APPBP2: variants seen among roughly 807,000 people sequenced by gnomAD.
APPBP2 encodes the protein amyloid protein-binding protein 2.
A neutral mutation model predicts 76.0 loss-of-function variants in APPBP2; 15 were observed. The ratio of observed to expected loss-of-function variants is 0.20; its 90% confidence interval spans 0.13 to 0.30. The LOEUF is 0.30. Among genes scored for constraint, APPBP2 ranks in the 10% least tolerant of loss-of-function variants. The pLI, the probability that APPBP2 is intolerant of heterozygous loss-of-function variation, is 1.00. For missense variants in APPBP2, 401 were observed against 687.2 expected, an observed-to-expected ratio of 0.58 and a Z score of 4.66; for synonymous variants, 222 against 242.2, an observed-to-expected ratio of 0.92 and a Z score of 0.77.
At chr17:60,491,785 G>A (rs1348329696) in intron 3 of APPBP2, among the ~76,000 whole-genome samples, 1 of 152,088 alleles carries the variant, frequency 6.6e-6, no homozygotes, top group Non-Finnish European at 1.5e-5. Context: ...ATAAAAGTTT[G>A]GAAAATTTGC....
chr17:60,506,469 T>C (rs1567938913), intron 1 of APPBP2, among the ~76,000 whole-genome samples: 1 of 152,198 alleles, frequency 6.6e-6, no homozygotes, highest in Non-Finnish European at 1.5e-5. Flanking sequence ...CTCATCCAAA[T>C]CCTCTCAACT....
intron 1 of APPBP2, among the ~76,000 whole-genome samples, chr17:60,507,962 C>G (rs928533668): frequency 3.3e-5 from 5 of 150,732 alleles, no homozygotes; most frequent in African/African-American, 4.9e-5. Context: ...CAAGTTGTTT[C>G]TTTTTTTTCC....
intron 3 of APPBP2, among the ~76,000 whole-genome samples, chr17:60,486,585 G>A (rs2090680136): frequency 6.6e-6 from 1 of 152,106 alleles, no homozygotes; most frequent in Non-Finnish European, 1.5e-5. Flanking sequence ...GCCTACGTGT[G>A]TCTCTGCATG....
At chr17:60,504,813 A>C (rs928682745) in intron 1 of APPBP2, among the ~76,000 whole-genome samples, 1 of 152,188 alleles carries the variant, frequency 6.6e-6, no homozygotes, top group African/African-American at 2.4e-5. Context: ...AAAACAACCA[A>C]CCAACCAAAA....
At chr17:60,493,920 G>A (rs1221575722) in intron 3 of APPBP2, among the ~76,000 whole-genome samples, 1 of 152,298 alleles carries the variant, frequency 6.6e-6, no homozygotes, top group East Asian at 1.9e-4. Flanking sequence ...CTACAGGCAT[G>A]AGTCACCATG....
chr17:60,462,220 T>C, intron 6 of APPBP2, 159 bp from the exon 7 acceptor site: 2 of 630,720 alleles, frequency 3.2e-6, no homozygotes, highest in Non-Finnish European at 5.6e-6. Context: ...TCCAAGTACT[T>C]AAAAATTCTA....
chr17:60,507,717 A>G lies in APPBP2; in HGVS notation c.139-7230T>C, dbSNP rs151249487. 2.0e-3 allele frequency among the ~76,000 whole-genome samples: 305 copies of G among 152,312 alleles called. 1 individual carries two copies. Among genetic ancestry groups the G allele is most frequent in the African/African-American group, 6.8e-3 (284 of 41,566 alleles). ...AATTATCGAGATTAACCCGGTTGGT[A>G]AATTTGATACTTTGGGAAAAACCTC... On this transcript the variant is annotated intron_variant, in intron 1 of 12. Coordinates refer to ENST00000083182, the MANE Select transcript of APPBP2 (RefSeq NM_006380.5).
At chr17:60,497,763 T>C (rs1182500126) in intron 2 of APPBP2, among the ~76,000 whole-genome samples, 6 of 152,268 alleles carry the variant, frequency 3.9e-5, no homozygotes, top group African/African-American at 1.4e-4. Context: ...CAGCAGTATT[T>C]TGTGAAACTA....
At position 60,477,115 on chromosome 17, in the gene APPBP2, A is replaced by C. The variant is rs372310065; in HGVS notation, c.503+2033T>G. On this transcript the variant is annotated intron_variant, in intron 4 of 12. Coordinates refer to ENST00000083182, the MANE Select transcript of APPBP2 (RefSeq NM_006380.5). ...AGAGTCAGCTGGCATGCACTTTTTG[A>C]CCTCCCCTCTTCTTACTGCCTATTA... is the stretch of plus-strand genomic sequence containing the variant. 6.6e-5 allele frequency among the ~76,000 whole-genome samples: 10 copies of C among 152,070 alleles called. No homozygotes were observed. The East Asian group carries it at 1.5e-3, about 23-fold the overall frequency.
At position 60,525,997 on chromosome 17, in the gene APPBP2, C is replaced by T; in HGVS notation, c.-66G>A. On this transcript the variant is annotated 5_prime_UTR_variant, in exon 1 of 13. Coordinates refer to ENST00000083182, the MANE Select transcript of APPBP2 (RefSeq NM_006380.5). The stretch of plus-strand genomic sequence containing the variant: ...CGAAGGCCCCCACCTCCCTCCGTAG[C>T]GAACCCCTCTGCGGCCCCGGAGGAT... The T allele has an allele frequency of 2.0e-6, 3 of 1,473,962 alleles. No individual in the cohort carries two copies. The highest frequency in any genetic ancestry group is 2.8e-6 in the Non-Finnish European group (3 of 1,088,364). 91.3% of individuals were successfully genotyped at this position (1,473,962 alleles called of 1,614,324 possible).
intron 8 of APPBP2, 158 bp downstream of exon 8, chr17:60,461,652 C>A (rs952855517): frequency 7.4e-6 from 4 of 538,744 alleles, no homozygotes; most frequent in African/African-American, 1.9e-5. Flanking sequence ...AACTTTTACA[C>A]CTTCTAGGTA....
At chr17:60,465,679 G>C (rs995059499) in intron 5 of APPBP2, among the ~76,000 whole-genome samples, 11 of 152,194 alleles carry the variant, frequency 7.2e-5, no homozygotes, top group African/African-American at 2.2e-4. Context: ...TCCAGCGTGG[G>C]TGACAAAGCA....
chr17:60,452,147 A>T, intron 11 of APPBP2, 102 bp from the exon 12 acceptor site: 1 of 1,163,960 alleles, frequency 8.6e-7, no homozygotes, highest in Non-Finnish European at 1.3e-6. Context: ...CATCTTATGA[A>T]TGCCATAAGG....
intron 3 of APPBP2, among the ~76,000 whole-genome samples, chr17:60,490,413 A>T (rs796839593): frequency 2.6e-5 from 4 of 152,332 alleles, no homozygotes; most frequent in African/African-American, 9.6e-5. Flanking sequence ...AGCCAAGTGC[A>T]GTGGCTCATG....
At chr17:60,463,913 C>T (rs2090492531) in intron 6 of APPBP2, 108 bp downstream of exon 6, 10 of 700,920 alleles carry the variant, frequency 1.4e-5, no homozygotes, top group Non-Finnish European at 2.3e-5. Context: ...CAGACCTATG[C>T]CTACGGAGTG....
chr17:60,462,313 C>T, intron 6 of APPBP2: 1 of 372,688 alleles, frequency 2.7e-6, no homozygotes, highest in African/African-American at 2.1e-5. Flanking sequence ...TCTGTCAAAA[C>T]AAAGTTACCT....
At chr17:60,506,377 T>G (rs1259023443) in intron 1 of APPBP2, among the ~76,000 whole-genome samples, 3 of 152,194 alleles carry the variant, frequency 2.0e-5, no homozygotes, top group African/African-American at 7.2e-5. Context: ...AGCTTTCTTT[T>G]GGCTCATAAC....
In APPBP2 at chr17:60,445,520, C is replaced by T. The variant is rs764993181; in HGVS notation, c.*2061G>A. 7 of 152,538 alleles carry T rather than the reference C, an allele frequency of 4.6e-5. No individual in the cohort carries two copies. Among genetic ancestry groups the T allele is most frequent in the Non-Finnish European group, 8.8e-5 (6 of 68,036 alleles). 9.4% of individuals were successfully genotyped at this position (152,538 alleles called of 1,614,324 possible). A position where few individuals can be genotyped will look rare whatever the true frequency, so the allele number is the denominator to read the frequency against. On this transcript the variant is annotated 3_prime_UTR_variant, in exon 13 of 13. Coordinates refer to ENST00000083182, the MANE Select transcript of APPBP2 (RefSeq NM_006380.5). Reference sequence around the variant, plus strand: ...AATTTACCATGACATTCCTATACCACAAACATACCACTGGATTCTAAATAA... The same window carrying T: ...AATTTACCATGACATTCCTATACCATAAACATACCACTGGATTCTAAATAA...
intron 5 of APPBP2, among the ~76,000 whole-genome samples, 197 bp from the exon 6 acceptor site, chr17:60,464,307 T>A (rs2090495699): frequency 6.6e-6 from 1 of 152,238 alleles, no homozygotes; most frequent in Admixed American, 6.5e-5. Context: ...TATCTATAGC[T>A]TATCTGAATC....
Sources: allele counts gnomAD v4.1 joint callset (sites outside exome capture counted in the v4.1 genomes callset), GRCh38; gene constraint gnomAD v4.1.1; transcripts MANE v1.5; gene names NCBI Gene and HGNC (gene_info 2026-07-23, HGNC 2026-07-21).